Variants in PITPNM3 observed in about 807,000 individuals in gnomAD.
PITPNM3 encodes PITPNM family member 3.
In PITPNM3, 26 loss-of-function variants were observed where a neutral mutation model predicts 102.0. The observed-to-expected ratio is 0.25, with a 90% CI of 0.19 to 0.35. The LOEUF is 0.35. Among genes scored for constraint, PITPNM3 ranks in the 10% least tolerant of loss-of-function variants. PITPNM3 has a pLI of 1.00. For missense variants in PITPNM3, 1,083 were observed against 1,346.1 expected (o/e 0.80, Z 3.06); for synonymous variants, 578 against 558.6 (o/e 1.03, Z -0.49).
intron 1 of PITPNM3, among the ~76,000 whole-genome samples, chr17:6,553,859 G>A (rs975350173): frequency 3.3e-5 from 5 of 152,224 alleles, no homozygotes; most frequent in African/African-American, 1.2e-4. Context: ...TTGGGCCTCA[G>A]TTTCCCCAGC....
rs778768763 is a variant in PITPNM3, at chr17:6,455,356, C to G, written c.2907G>C (p.Lys969Asn). 6.3e-7 allele frequency: 1 copy of G among 1,582,430 alleles called. No individual in the cohort carries two copies. The highest frequency in any genetic ancestry group is 8.6e-7 in the Non-Finnish European group (1 of 1,166,286). ...CCACCCCTCAGGGCACCGACTCGAA[C>G]TTGGGGGGCCCACGCGCCCAGCTGA... Reference protein sequence around the residue: ...PALSWARGPPKFESVP With the variant: ...PALSWARGPPNFESVP The change falls in exon 20 of 20, where the codon AAG (lysine) becomes AAC (asparagine). Residue 969 changes from lysine to asparagine, a missense_variant. By Grantham distance (94) the Lys-to-Asn change is moderately conservative. Coordinates refer to ENST00000262483, the MANE Select transcript of PITPNM3 (RefSeq NM_031220.4).
At chr17:6,502,757 G>T (rs1247403789) in intron 4 of PITPNM3, among the ~76,000 whole-genome samples, 2 of 152,150 alleles carry the variant, frequency 1.3e-5, no homozygotes, top group Non-Finnish European at 2.9e-5. Context: ...GCCACATATG[G>T]AAGTCAATAC....
intron 4 of PITPNM3, among the ~76,000 whole-genome samples, chr17:6,492,862 A>C (rs1459113749): frequency 6.6e-6 from 1 of 152,100 alleles, no homozygotes; most frequent in Non-Finnish European, 1.5e-5. Flanking sequence ...TATCTCAAAA[A>C]ATAAAATAAT....
chr17:6,505,744 A>G (rs1001991430), intron 3 of PITPNM3, among the ~76,000 whole-genome samples: 1 of 152,250 alleles, frequency 6.6e-6, no homozygotes, highest in Non-Finnish European at 1.5e-5. Context: ...AACGCCTTCT[A>G]TGGGCCAAGC....
At position 6,451,881 on chromosome 17, in the gene PITPNM3, C is replaced by CG. The variant is rs200905881; in HGVS notation, c.*3456_*3457insC. Reference sequence around the variant, plus strand: ...GGGCACTTGGCACCCAAACCCCCCCCCCCCGCCCGCCGATGGGATTCGGTG... The same window carrying CG: ...GGGCACTTGGCACCCAAACCCCCCCCGCCCCGCCCGCCGATGGGATTCGGTG... On this transcript the variant is annotated 3_prime_UTR_variant, in exon 20 of 20. Transcript: ENST00000262483. 1.1e-4 allele frequency: 4 copies of CG among 37,134 alleles called. No individual in the cohort carries two copies. Among genetic ancestry groups the CG allele is most frequent in the South Asian group, 1.1e-3 (1 of 942 alleles). 2.3% of individuals were successfully genotyped at this position (37,134 alleles called of 1,614,324 possible). A position where few individuals can be genotyped will look rare whatever the true frequency, so the allele number is the denominator to read the frequency against.
At chr17:6,511,166 G>A (rs1907844970) in intron 3 of PITPNM3, among the ~76,000 whole-genome samples, 1 of 152,234 alleles carries the variant, frequency 6.6e-6, no homozygotes, top group Non-Finnish European at 1.5e-5. Flanking sequence ...AGGAAGGCTG[G>A]AACCACATTG....
At chr17:6,519,837 AAAAG>A (rs1246771638) in intron 3 of PITPNM3, among the ~76,000 whole-genome samples, 2 of 152,186 alleles carry the variant, frequency 1.3e-5, no homozygotes, top group Non-Finnish European at 2.9e-5. Context: ...CTCCAAAAAA[AAAAG>A]AAAGAAAGAA....
intron 6 of PITPNM3, among the ~76,000 whole-genome samples, chr17:6,483,149 T>C (rs1291149138): frequency 1.3e-5 from 2 of 152,090 alleles, no homozygotes; most frequent in Non-Finnish European, 2.9e-5. Context: ...TTTCACCATA[T>C]TAGCCAGGAT....
chr17:6,487,121 A>C (rs1210914514), intron 4 of PITPNM3, among the ~76,000 whole-genome samples: 1 of 152,108 alleles, frequency 6.6e-6, no homozygotes, highest in African/African-American at 2.4e-5. Flanking sequence ...GTCAAGAAGA[A>C]CCAGGAGTGA....
chr17:6,556,255 C>T lies in PITPNM3; in HGVS notation c.22+130G>A. On this transcript the variant is annotated intron_variant, in intron 1 of 19. Coordinates refer to ENST00000262483, the MANE Select transcript of PITPNM3 (RefSeq NM_031220.4). This position sits in a 1 kb window ranked among gnomAD's most constrained non-coding sequence, Gnocchi z 5.2. ...ACGCGCGGGAGGTCCAGCCCCGCTA[C>T]CGCCCCCTACGCCCTCCCGGGACCT... is the stretch of plus-strand genomic sequence containing the variant. 1 of 689,498 alleles carries T rather than the reference C, an allele frequency of 1.5e-6. No individual in the cohort carries two copies. The highest frequency in any genetic ancestry group is 2.0e-6 in the Non-Finnish European group (1 of 492,386). The allele number at this position is 689,498 out of a possible 1,614,324, so 42.7% of individuals were successfully genotyped here.
In PITPNM3 at chr17:6,467,092, A is replaced by C. The variant is rs866333919; in HGVS notation, c.1890+1133T>G. On this transcript the variant is annotated intron_variant, in intron 14 of 19. Transcript: ENST00000262483. ...CAAAAAAAAAAAACCAAAAAAAAAA[A>C]ACAGGTGAAAACAACCCAAAAAATG... 3.6e-4 allele frequency among the ~76,000 whole-genome samples: 54 copies of C among 151,296 alleles called. No individual in the cohort carries two copies. In the South Asian group the frequency reaches 9.0e-3, roughly 25 times the overall value.
At chr17:6,492,929 A>C (rs1233251361) in intron 4 of PITPNM3, among the ~76,000 whole-genome samples, 1 of 151,948 alleles carries the variant, frequency 6.6e-6, no homozygotes, top group Non-Finnish European at 1.5e-5. Context: ...AAAACAATGA[A>C]CTCAATACCA....
intron 2 of PITPNM3, among the ~76,000 whole-genome samples, chr17:6,532,105 T>TAA (rs780964428): frequency 2.2e-5 from 3 of 135,464 alleles, no homozygotes; most frequent in Non-Finnish European, 4.8e-5. Flanking sequence ...AAACTCCGTC[T>TAA]AAAAAAAAAA....
At position 6,470,777 on chromosome 17, in the gene PITPNM3, G is replaced by C. The variant is rs1425495738; in HGVS notation, c.1625-369C>G. ...GCACTTCCTTAATGGTCAGAGGTCA[G>C]AGCCCTGTCCAGGGTCAAAGGTCAG... On this transcript the variant is annotated intron_variant, in intron 12 of 19. Coordinates refer to ENST00000262483, the MANE Select transcript of PITPNM3 (RefSeq NM_031220.4). This position sits in a 1 kb window ranked among gnomAD's most constrained non-coding sequence, Gnocchi z 4.8. 2.6e-5 allele frequency among the ~76,000 whole-genome samples: 4 copies of C among 152,174 alleles called. No homozygotes were observed. Among genetic ancestry groups the C allele is most frequent in the African/African-American group, 7.2e-5 (3 of 41,446 alleles).
chr17:6,531,879 G>C (rs1909166167), intron 2 of PITPNM3, among the ~76,000 whole-genome samples: 1 of 152,154 alleles, frequency 6.6e-6, no homozygotes, highest in Non-Finnish European at 1.5e-5. Context: ...GAGGCGGACG[G>C]ATCACCTGGG....
chr17:6,526,354 C>T (rs899814496), intron 2 of PITPNM3, among the ~76,000 whole-genome samples: 2 of 152,226 alleles, frequency 1.3e-5, no homozygotes, highest in African/African-American at 4.8e-5. Flanking sequence ...GTGTGCTCTC[C>T]TCCCCATACT....
chr17:6,527,833 C>T (rs1259026700), intron 2 of PITPNM3, among the ~76,000 whole-genome samples: 2 of 152,214 alleles, frequency 1.3e-5, no homozygotes, highest in African/African-American at 2.4e-5. Flanking sequence ...AGGCACTCAG[C>T]ACATCCTAGC....
At chr17:6,501,528 G>T (rs1200592350) in intron 4 of PITPNM3, among the ~76,000 whole-genome samples, 1 of 152,126 alleles carries the variant, frequency 6.6e-6, no homozygotes, top group African/African-American at 2.4e-5. Context: ...CAGCCCTAGA[G>T]CCTAGAGCCC....
rs1905448323 is a variant in PITPNM3, at chr17:6,478,405, CAG to C, written c.777+140_777+141del. On this transcript the variant is annotated intron_variant, in intron 7 of 19. Coordinates refer to ENST00000262483, the MANE Select transcript of PITPNM3 (RefSeq NM_031220.4). This position sits in a 1 kb window ranked among gnomAD's most constrained non-coding sequence, Gnocchi z 4.4. ...TCTATCTGTAAAATGAGGGCTAACT[CAG>C]AGATCTCAAAAGCCACCTTTGGGCT... The C allele has an allele frequency of 2.6e-5, 29 of 1,101,618 alleles. 1 individual carries two copies. The East Asian group carries it at 7.2e-4, about 27-fold the overall frequency. 68.2% of individuals were successfully genotyped at this position (1,101,618 alleles called of 1,614,324 possible).
Sources: gnomAD v4.1 joint callset for allele counts (sites outside exome capture counted in the v4.1 genomes callset) on GRCh38, gnomAD v4.1.1 for gene constraint, Gnocchi (gnomAD v3.1) non-coding constraint, MANE v1.5 for transcripts, NCBI Gene and HGNC (gene_info 2026-07-23, HGNC 2026-07-21) for gene names.